ARID2: variants seen among roughly 807,000 people sequenced by gnomAD.
ARID2 encodes the protein AT-rich interactive domain-containing protein 2.
Under a neutral mutation model 184.6 loss-of-function variants are expected in ARID2, and 32 were observed. The observed-to-expected ratio is 0.17, with a 90% CI of 0.13 to 0.23. The LOEUF is 0.23. Among genes scored for constraint, ARID2 ranks in the 10% least tolerant of loss-of-function variants. The pLI, the probability that ARID2 is intolerant of heterozygous loss-of-function variation, is 1.00. For synonymous variants in ARID2, 836 were observed against 772.6 expected, an observed-to-expected ratio of 1.08 and a Z score of -1.36; for missense variants, 1,696 against 2,197.6, an observed-to-expected ratio of 0.77 and a Z score of 4.56.
rs147144605 is a variant in ARID2, at chr12:45,748,888, A to G, written c.284+17574A>G. Among the ~76,000 whole-genome samples, 551 of 152,232 alleles carry G rather than the reference A, an allele frequency of 3.6e-3. 3 individuals are homozygous for G. The highest frequency in any genetic ancestry group is 0.012 in the African/African-American group (502 of 41,546). On this transcript the variant is annotated intron_variant, in intron 3 of 20. Coordinates refer to ENST00000334344, the MANE Select transcript of ARID2 (RefSeq NM_152641.4). The stretch of plus-strand genomic sequence containing the variant: ...CAGTTCAGTCACATCTTCAGGCTCC[A>G]CTTCTAATTCTAGTTCTTTTGCCAT...
chr12:45,824,606 G>T (rs1465114947), intron 6 of ARID2, among the ~76,000 whole-genome samples: 1 of 151,960 alleles, frequency 6.6e-6, no homozygotes, highest in Non-Finnish European at 1.5e-5. Flanking sequence ...AATGGCTGTT[G>T]TCAGAAAGGC....
intron 16 of ARID2, among the ~76,000 whole-genome samples, chr12:45,885,924 T>TGG (rs1944179455): frequency 6.6e-6 from 1 of 152,112 alleles, no homozygotes; most frequent in African/African-American, 2.4e-5. Flanking sequence ...GAGATTTGGG[T>TGG]GGGTACACAG....
At chr12:45,839,646 A>G (rs1943301499) in intron 11 of ARID2, 150 bp downstream of exon 11, 2 of 793,670 alleles carry the variant, frequency 2.5e-6, no homozygotes, top group South Asian at 4.8e-5. Context: ...AATTTCTTAG[A>G]TATTATACAT....
chr12:45,856,741 A>G (rs1323233277), intron 15 of ARID2, among the ~76,000 whole-genome samples: 3 of 152,220 alleles, frequency 2.0e-5, no homozygotes, highest in Non-Finnish European at 4.4e-5. Context: ...AAAAATAGCA[A>G]CAAGTAAAAA....
chr12:45,866,466 T>A (rs1178229375), intron 16 of ARID2, among the ~76,000 whole-genome samples: 9 of 152,322 alleles, frequency 5.9e-5, no homozygotes, highest in Admixed American at 5.2e-4. Context: ...TCTACAAGTA[T>A]TTCAGTAGAA....
intron 3 of ARID2, among the ~76,000 whole-genome samples, chr12:45,754,650 G>A (rs1281115162): frequency 6.6e-6 from 1 of 152,188 alleles, no homozygotes; most frequent in Non-Finnish European, 1.5e-5. Context: ...GCAGCTTGAA[G>A]TAGATCCTTC....
At chr12:45,813,165 A>T (rs1942741949) in intron 4 of ARID2, among the ~76,000 whole-genome samples, 1 of 152,190 alleles carries the variant, frequency 6.6e-6, no homozygotes, top group African/African-American at 2.4e-5. Context: ...GTTACATTTT[A>T]TGTGTAACAT....
chr12:45,744,081 T>G (rs1353673962), intron 3 of ARID2, among the ~76,000 whole-genome samples: 1 of 152,180 alleles, frequency 6.6e-6, no homozygotes, highest in Non-Finnish European at 1.5e-5. Context: ...TTCTAAGTTA[T>G]GCATCAAATT....
chr12:45,731,203 C>T lies in ARID2; in HGVS notation c.187-14C>T, dbSNP rs777881288. The T allele has an allele frequency of 6.3e-7, 1 of 1,581,804 alleles. No individual in the cohort carries two copies. Among genetic ancestry groups the T allele is most frequent in the Non-Finnish European group, 8.7e-7 (1 of 1,150,620 alleles). ...ATTGTTCACGTTCAGACAACTGTGC[C>T]TGTGTTTTACCAGGTTTCTGAGAAG... On this transcript the variant is annotated splice_polypyrimidine_tract_variant and intron_variant, in intron 2 of 20. Coordinates refer to ENST00000334344, the MANE Select transcript of ARID2 (RefSeq NM_152641.4).
chr12:45,837,207 A>G, intron 8 of ARID2, 114 bp from the exon 9 acceptor site: 2 of 1,161,650 alleles, frequency 1.7e-6, no homozygotes, highest in Non-Finnish European at 2.4e-6. Context: ...TTTTTACAAT[A>G]ACATTTTTTA....
chr12:45,847,835 C>T (rs1943472429), intron 12 of ARID2, among the ~76,000 whole-genome samples: 2 of 151,924 alleles, frequency 1.3e-5, no homozygotes, highest in African/African-American at 4.8e-5. Context: ...TTTTTCCTCA[C>T]CTTCTATATT....
chr12:45,824,773 G>C (rs952101047), intron 6 of ARID2, among the ~76,000 whole-genome samples: 1 of 151,596 alleles, frequency 6.6e-6, no homozygotes, highest in Middle Eastern at 3.2e-3. Flanking sequence ...TACCTGTGCC[G>C]TCAATGTGCA....
intron 16 of ARID2, among the ~76,000 whole-genome samples, chr12:45,871,429 A>G (rs768594685): frequency 3.9e-5 from 6 of 152,162 alleles, no homozygotes; most frequent in Non-Finnish European, 7.4e-5. Context: ...TTTTGCTTCA[A>G]CCAGCCTTGT....
At chr12:45,887,594 T>C (rs1208300410) in intron 16 of ARID2, among the ~76,000 whole-genome samples, 3 of 152,074 alleles carry the variant, frequency 2.0e-5, no homozygotes, top group South Asian at 2.1e-4. Flanking sequence ...CATAGACACA[T>C]GGAAGTGTGA....
In ARID2 at chr12:45,852,024, G is replaced by A. The variant is rs1228109585; in HGVS notation, c.3901G>A (p.Asp1301Asn). The A allele has an allele frequency of 1.2e-6, 2 of 1,614,096 alleles. No homozygotes were observed. Among genetic ancestry groups the A allele is most frequent in the South Asian group, 2.2e-5 (2 of 91,066 alleles). Residue 1301 changes from aspartate to asparagine, a missense_variant, in exon 15 of 21, where the codon GAC (aspartate) becomes AAC (asparagine). Transcript: ENST00000334344. Reference protein sequence around the residue: ...GSLLNGRKYSDSSLPPSNSGK... With the variant: ...GSLLNGRKYSNSSLPPSNSGK... ...TCTTTTAAATGGGAGAAAGTACAGT[G>A]ACTCAAGTCTACCTCCTTCAAACTC...
rs1329063828 is a variant in ARID2, at chr12:45,902,785, C to CG, written c.5364-2148dup. ...GTCTCGAACTCCTGACCTCGTGATC[C>CG]GCCTGCCTCAGCCTCCCAAAGCGTT... is the stretch of plus-strand genomic sequence containing the variant. On this transcript the variant is annotated intron_variant, in intron 20 of 20. Transcript: ENST00000334344. Among the ~76,000 whole-genome samples the CG allele has an allele frequency of 5.9e-5, 9 of 152,110 alleles. No individual in the cohort carries two copies. The South Asian group carries it at 1.5e-3, about 25-fold the overall frequency.
At chr12:45,848,459 T>G (rs1943482268) in intron 12 of ARID2, among the ~76,000 whole-genome samples, 1 of 152,084 alleles carries the variant, frequency 6.6e-6, no homozygotes, top group African/African-American at 2.4e-5. Flanking sequence ...TCAGCTACAA[T>G]GCAAATAGCA....
At chr12:45,803,775 T>C (rs890185998) in intron 3 of ARID2, among the ~76,000 whole-genome samples, 5 of 152,220 alleles carry the variant, frequency 3.3e-5, no homozygotes, top group African/African-American at 1.2e-4. Flanking sequence ...CTGGTTTCTT[T>C]GGAGGAATCT....
intron 3 of ARID2, among the ~76,000 whole-genome samples, chr12:45,801,502 A>G (rs1421518846): frequency 6.6e-6 from 1 of 152,174 alleles, no homozygotes. Flanking sequence ...TAACCTAGCA[A>G]TCCCAACCTT....
Sources: gnomAD v4.1 joint callset for allele counts (sites outside exome capture counted in the v4.1 genomes callset) on GRCh38, gnomAD v4.1.1 for gene constraint, MANE v1.5 for transcripts, NCBI Gene and HGNC (gene_info 2026-07-23, HGNC 2026-07-21) for gene names.